Variants in USP34 observed in about 807,000 individuals in gnomAD.
USP34 encodes the protein ubiquitin carboxyl-terminal hydrolase 34.
A neutral mutation model predicts 460.3 loss-of-function variants in USP34; 70 were observed. That is an observed-to-expected ratio of 0.15 (90% confidence interval 0.13 to 0.19). USP34 has a LOEUF of 0.19. Among genes scored for constraint, USP34 ranks in the 10% least tolerant of loss-of-function variants. The pLI is 1.00. For synonymous variants in USP34, 1,647 were observed against 1,405.3 expected, an observed-to-expected ratio of 1.17 and a Z score of -3.85; for missense variants, 3,985 against 4,236.2, an observed-to-expected ratio of 0.94 and a Z score of 1.65.
chr2:61,325,268 A>T, intron 21 of USP34, 107 bp downstream of exon 21: 1 of 700,666 alleles, frequency 1.4e-6, no homozygotes. Context: ...TCTAAAATTA[A>T]ATTAAACTAA....
intron 16 of USP34, among the ~76,000 whole-genome samples, chr2:61,342,704 G>A (rs759828749): frequency 1.3e-5 from 2 of 151,954 alleles, no homozygotes; most frequent in Non-Finnish European, 2.9e-5. Flanking sequence ...TGTTGGAGGA[G>A]GTCTTCTAGT....
Position 61,245,197 on chromosome 2 carries a change from G to C in USP34, c.6627+13C>G. On this transcript the variant is annotated intron_variant, in intron 51 of 79. Transcript: ENST00000398571. ...AGGACACAAACCATTTATAATTTCTGAATAAAACTTACCGTCATCTCTCCA... is the reference window on the plus strand; with the variant it reads ...AGGACACAAACCATTTATAATTTCTCAATAAAACTTACCGTCATCTCTCCA... The C allele has an allele frequency of 1.2e-6, 2 of 1,603,296 alleles. No homozygotes were observed. The highest frequency in any genetic ancestry group is 1.7e-6 in the Non-Finnish European group (2 of 1,171,908).
chr2:61,396,099 A>G (rs1319923208), intron 3 of USP34, among the ~76,000 whole-genome samples: 3 of 151,974 alleles, frequency 2.0e-5, no homozygotes, highest in Non-Finnish European at 2.9e-5. Context: ...GGTAATTCTG[A>G]TAAAAATACA....
intron 18 of USP34, among the ~76,000 whole-genome samples, chr2:61,335,701 A>C (rs1342293724): frequency 6.6e-6 from 1 of 152,218 alleles, no homozygotes; most frequent in East Asian, 1.9e-4. Context: ...GTGAGCTGAG[A>C]TTGCACCACT....
chr2:61,291,572 G>C (rs1045962192), intron 33 of USP34, among the ~76,000 whole-genome samples: 1 of 152,136 alleles, frequency 6.6e-6, no homozygotes, highest in African/African-American at 2.4e-5. Flanking sequence ...AAAGATTTAT[G>C]AATGAATGTG....
Position 61,245,205 on chromosome 2 carries a change from C to T in USP34, c.6627+5G>A. On this transcript the variant is annotated splice_donor_5th_base_variant and intron_variant, in intron 51 of 79. Transcript: ENST00000398571. ...AACCATTTATAATTTCTGAATAAAA[C>T]TTACCGTCATCTCTCCACCAAAACA... 6.2e-7 allele frequency: 1 copy of T among 1,608,416 alleles called. No homozygotes were observed. Among genetic ancestry groups the T allele is most frequent in the Non-Finnish European group, 8.5e-7 (1 of 1,176,258 alleles).
intron 29 of USP34, 54 bp downstream of exon 29, chr2:61,300,897 A>G (rs1005172834): frequency 2.1e-5 from 25 of 1,192,386 alleles, no homozygotes; most frequent in African/African-American, 3.1e-5. Context: ...TAAAGTTACT[A>G]TATCCTCTCA....
Position 61,283,130 on chromosome 2 carries a change from C to G in USP34, c.4998+15G>C, listed in dbSNP as rs1278478720. On this transcript the variant is annotated intron_variant, in intron 37 of 79. Transcript: ENST00000398571. ...TACAAAAAATAACAGTACTAACCTTCAATCTTTATCTTACCTCAGGAATAA... is the reference window on the plus strand; with the variant it reads ...TACAAAAAATAACAGTACTAACCTTGAATCTTTATCTTACCTCAGGAATAA... 1 of 1,611,112 alleles carries G rather than the reference C, an allele frequency of 6.2e-7. No homozygotes were observed. Among genetic ancestry groups the G allele is most frequent in the Non-Finnish European group, 8.5e-7 (1 of 1,178,820 alleles).
At position 61,250,215 on chromosome 2, in the gene USP34, A is replaced by G. The variant is rs1181624388; in HGVS notation, c.6222-1532T>C. ...CCTGGACAACAGAGCGAGACTCAAAAAAGAAAAGAAAAACAGCTCTCAGTC... is the reference window on the plus strand; with the variant it reads ...CCTGGACAACAGAGCGAGACTCAAAGAAGAAAAGAAAAACAGCTCTCAGTC... On this transcript the variant is annotated intron_variant, in intron 48 of 79. Coordinates refer to ENST00000398571, the MANE Select transcript of USP34 (RefSeq NM_014709.4). 3 of 164,708 alleles carry G rather than the reference A, an allele frequency of 1.8e-5. No homozygotes were observed. In the East Asian group the frequency reaches 5.6e-4, roughly 31 times the overall value. 10.2% of individuals were successfully genotyped at this position (164,708 alleles called of 1,614,324 possible).
chr2:61,244,377 G>A (rs1688363715), intron 51 of USP34, among the ~76,000 whole-genome samples: 1 of 152,282 alleles, frequency 6.6e-6, no homozygotes, highest in Admixed American at 6.5e-5. Flanking sequence ...GCACTTCGGA[G>A]GCTGCAGTAG....
chr2:61,276,284 G>T (rs1433250164), intron 41 of USP34, among the ~76,000 whole-genome samples: 1 of 152,168 alleles, frequency 6.6e-6, no homozygotes, highest in Non-Finnish European at 1.5e-5. Flanking sequence ...AAGAGTTCTT[G>T]AGTAAATAAT....
chr2:61,304,041 G>A (rs760815014), intron 27 of USP34, among the ~76,000 whole-genome samples: 2 of 152,060 alleles, frequency 1.3e-5, no homozygotes, highest in Non-Finnish European at 2.9e-5. Context: ...GGGATTACGG[G>A]TGCACACCAC....
chr2:61,373,860 G>C (rs1692706169), intron 8 of USP34, among the ~76,000 whole-genome samples: 1 of 152,088 alleles, frequency 6.6e-6, no homozygotes, highest in African/African-American at 2.4e-5. Context: ...TTTTACAAAA[G>C]AGAAAATGGC....
intron 10 of USP34, among the ~76,000 whole-genome samples, chr2:61,369,385 C>T (rs1384662300): frequency 3.3e-5 from 5 of 152,116 alleles, no homozygotes; most frequent in East Asian, 1.9e-4. Context: ...TGGCTCATGC[C>T]TGTAATCCCA....
At chr2:61,383,363 T>C in intron 5 of USP34, 27 bp from the exon 6 acceptor site, 1 of 1,483,684 alleles carries the variant, frequency 6.7e-7, no homozygotes, top group Non-Finnish European at 9.2e-7. Context: ...AAAACAACAT[T>C]AATGCCTAAT....
chr2:61,348,221 C>G lies in USP34; in HGVS notation c.1934G>C (p.Arg645Thr), dbSNP rs779192499. 1.2e-6 allele frequency: 2 copies of G among 1,614,230 alleles called. No homozygotes were observed. The highest frequency in any genetic ancestry group is 1.3e-5 in the African/African-American group (1 of 75,066). ...KSSCGTDLRNRKLESQAGICL... is the reference protein window; with the variant it reads ...KSSCGTDLRNTKLESQAGICL... ...AATGCCTGCTTGACTCTCTAACTTT[C>G]TATTCCGAAGATCTGTACCACAACT... Residue 645 changes from arginine to threonine, a missense_variant, in exon 15 of 80, where the codon AGA becomes ACA. By Grantham distance (71) the Arg-to-Thr change is moderately conservative (BLOSUM62 -1). Around this residue, in one of 14 missense-constraint regions of USP34, gnomAD observed 716 missense variants for 626.2 expected, o/e 1.14. Transcript: ENST00000398571.
At chr2:61,235,075 GGGA>G (rs958496691) in intron 57 of USP34, among the ~76,000 whole-genome samples, 2 of 151,796 alleles carry the variant, frequency 1.3e-5, no homozygotes, top group Admixed American at 1.3e-4. Context: ...GATTTGCTAA[GGGA>G]GGAGATCTTG....
rs758997723 is a variant in USP34, at chr2:61,380,177, G to C, written c.1006C>G (p.Gln336Glu). The C allele has an allele frequency of 6.2e-7, 1 of 1,612,374 alleles. No homozygotes were observed. Among genetic ancestry groups the C allele is most frequent in the African/African-American group, 1.3e-5 (1 of 74,890 alleles). Residue 336 changes from glutamine (Q) to glutamate (E), a missense_variant, in exon 7 of 80, where the codon CAG becomes GAG. Physicochemically the swap from Gln to Glu is conservative, Grantham distance 29 (BLOSUM62 2). Transcript: ENST00000398571. ...AAACAAATACAGCTTACTGTTATCT[G>C]ACTCAATCCAGCCAACCTCATAGTC... ...TLTMRLAGLS[Q>E]ITNQLHTFND...
chr2:61,307,128 T>C (rs901101723), intron 27 of USP34, among the ~76,000 whole-genome samples: 5 of 152,022 alleles, frequency 3.3e-5, no homozygotes, highest in African/African-American at 9.7e-5. Context: ...TGGAATACTA[T>C]GCAGCCATAA....
Sources: allele counts gnomAD v4.1 joint callset (sites outside exome capture counted in the v4.1 genomes callset), GRCh38; gene constraint gnomAD v4.1.1; regional missense constraint gnomAD v4.1.1; transcripts MANE v1.5; gene names NCBI Gene and HGNC (gene_info 2026-07-23, HGNC 2026-07-21).